Variants in ZNG1A observed in about 807,000 individuals in gnomAD.
ZNG1A encodes zinc-regulated GTPase metalloprotein activator 1A.
the ZNG1A span, chr9:167,503 G>A: frequency 6.7e-6 from 1 of 149,136 alleles, no homozygotes; most frequent in Non-Finnish European, 1.5e-5. Context: ...AAGTGTATAA[G>A]AACCCAAAGA....
At chr9:154,746 G>C in the ZNG1A span, 1 of 1,598,176 alleles carries the variant, frequency 6.3e-7, no homozygotes, top group South Asian at 1.1e-5. Context: ...TCTTCTTCTG[G>C]AACCAGGTCT....
At chr9:173,421 A>T in the ZNG1A span, 1 of 1,606,122 alleles carries the variant, frequency 6.2e-7, no homozygotes, top group Non-Finnish European at 8.5e-7. Flanking sequence ...CCAAAAAAAA[A>T]CAAAGATGAG....
chr9:124,898 T>A, the ZNG1A span, among the ~76,000 whole-genome samples: 2 of 151,280 alleles, frequency 1.3e-5, no homozygotes, highest in Admixed American at 1.3e-4. Flanking sequence ...CTCCTTTTTA[T>A]GGCTGAGGAG....
chr9:161,627 T>A, the ZNG1A span: 10 of 1,286,396 alleles, frequency 7.8e-6, no homozygotes, highest in South Asian at 1.1e-4. Flanking sequence ...GATGATTTCA[T>A]TCTTTTCTGC....
chr9:142,399 C>T, the ZNG1A span, among the ~76,000 whole-genome samples: 2 of 110,712 alleles, frequency 1.8e-5, no homozygotes, highest in Admixed American at 1.9e-4. Context: ...CACTCAAAAC[C>T]GCTCAACTAC....
the ZNG1A span, chr9:162,585 C>G: frequency 7.3e-5 from 63 of 857,808 alleles, no homozygotes; most frequent in Non-Finnish European, 9.7e-5. Flanking sequence ...AAATACTACT[C>G]AATAAAACAA....
the ZNG1A span, among the ~76,000 whole-genome samples, chr9:141,693 A>G: frequency 6.6e-6 from 1 of 151,804 alleles, no homozygotes; most frequent in African/African-American, 2.4e-5. Flanking sequence ...ACATAACGAT[A>G]TTAACTTTAA....
At chr9:152,438 T>C in the ZNG1A span, among the ~76,000 whole-genome samples, 1 of 152,092 alleles carries the variant, frequency 6.6e-6, no homozygotes, top group Admixed American at 6.6e-5. Flanking sequence ...ATACTCAAAA[T>C]TTTTACGGTG....
At chr9:136,936 G>A in the ZNG1A span, among the ~76,000 whole-genome samples, 5 of 149,432 alleles carry the variant, frequency 3.3e-5, no homozygotes, top group African/African-American at 1.2e-4. Flanking sequence ...CAGCTACTCA[G>A]GAGGCTGAGA....
At chr9:154,491 C>T in the ZNG1A span, 12 of 573,950 alleles carry the variant, frequency 2.1e-5, no homozygotes, top group Non-Finnish European at 3.1e-5. Flanking sequence ...GAATATCAGT[C>T]TATTAACTGT....
the ZNG1A span, chr9:172,325 C>G: frequency 2.3e-6 from 2 of 885,962 alleles, no homozygotes; most frequent in Non-Finnish European, 3.4e-6. Context: ...ACAAAATGTC[C>G]GTCCCATATT....
the ZNG1A span, among the ~76,000 whole-genome samples, chr9:138,711 CA>C: frequency 7.2e-6 from 1 of 139,540 alleles, no homozygotes; most frequent in South Asian, 2.4e-4. Context: ...CCAGCCTAGG[CA>C]ACATAGCAAG....
chr9:135,143 A>G, the ZNG1A span: 5 of 1,484,184 alleles, frequency 3.4e-6, no homozygotes, highest in Non-Finnish European at 4.5e-6. Flanking sequence ...CTATTCTAAT[A>G]TTCTGTAATT....
At chr9:153,764 C>T in the ZNG1A span, 2 of 148,414 alleles carry the variant, frequency 1.3e-5, no homozygotes, top group African/African-American at 4.9e-5. Flanking sequence ...TGAGCCTTAC[C>T]TTTATTGATT....
the ZNG1A span, chr9:150,102 TAACCAAA>T: frequency 1.3e-5 from 2 of 150,298 alleles, no homozygotes; most frequent in Admixed American, 1.3e-4. Flanking sequence ...ACTATTTTGT[TAACCAAA>T]TCTCCGGTTT....
the ZNG1A span, chr9:147,422 T>A: frequency 1.1e-4 from 11 of 104,586 alleles, no homozygotes; most frequent in Non-Finnish European, 2.0e-4. Context: ...ACTGACCAAC[T>A]GTGCCTGCTT....
chr9:175,986 A>G, the ZNG1A span, among the ~76,000 whole-genome samples: 1 of 150,334 alleles, frequency 6.7e-6, no homozygotes, highest in Non-Finnish European at 1.5e-5. Flanking sequence ...AATTTTATAA[A>G]TATTTACAAA....
chr9:171,192 G>C, the ZNG1A span, among the ~76,000 whole-genome samples: 1 of 152,110 alleles, frequency 6.6e-6, no homozygotes, highest in Non-Finnish European at 1.5e-5. Flanking sequence ...TTATGTAATT[G>C]TTTTAAGTAC....
chr9:159,779 G>A, the ZNG1A span, among the ~76,000 whole-genome samples: 11 of 151,896 alleles, frequency 7.2e-5, no homozygotes, highest in Admixed American at 1.3e-4. Context: ...TAAATCTAGT[G>A]TCAAAGATGT....
Sources: gnomAD v4.1 joint callset for allele counts (sites outside exome capture counted in the v4.1 genomes callset) on GRCh38, gnomAD v4.1.1 for gene constraint, MANE v1.5 for transcripts, NCBI Gene and HGNC (gene_info 2026-07-23, HGNC 2026-07-21) for gene names.